The following CNN1 variants were observed in gnomAD, a reference collection of about 807,000 sequenced individuals.
The protein encoded by CNN1 is calponin-1.
In CNN1, 21 loss-of-function variants were observed where a neutral mutation model predicts 35.3. The ratio of observed to expected loss-of-function variants is 0.60; its 90% CI spans 0.42 to 0.86. The LOEUF (loss-of-function observed/expected upper bound fraction) is 0.86, where lower values mean the gene tolerates loss of function less well. Among genes scored for constraint, CNN1 ranks in the 40% least tolerant of loss-of-function variants. CNN1 has a pLI of 0.00. For missense variants in CNN1, 314 were observed against 400.8 expected (o/e 0.78, Z 1.85); for synonymous variants, 164 against 161.8 (o/e 1.01, Z -0.10).
chr19:11,538,906 C>T lies in CNN1; in HGVS notation c.-22C>T, dbSNP rs189119682. ...CTCAGCGTCAGTGCCGCCACTGCCC[C>T]CGCCAGAGCCCACCGGCCAGCATGT... On this transcript the variant is annotated 5_prime_UTR_variant, in exon 1 of 7. Transcript: ENST00000252456. 100 of 1,534,354 alleles carry T rather than the reference C, an allele frequency of 6.5e-5. 3 individuals carry two copies. The East Asian group carries it at 1.1e-3, about 16-fold the overall frequency.
At chr19:11,545,160 C>T (rs1972551917) in intron 2 of CNN1, among the ~76,000 whole-genome samples, 1 of 151,150 alleles carries the variant, frequency 6.6e-6, no homozygotes, top group Non-Finnish European at 1.5e-5. Context: ...GAGATCCCGC[C>T]ACTGCCTTCC....
At chr19:11,541,643 C>T (rs1328314660) in intron 2 of CNN1, among the ~76,000 whole-genome samples, 2 of 152,320 alleles carry the variant, frequency 1.3e-5, no homozygotes, top group East Asian at 1.9e-4. Flanking sequence ...GGCTGCAGTG[C>T]AGAGACACAA....
rs201339097 is a variant in CNN1 at position 11,541,101 on chromosome 19, G to C, written c.89G>C (p.Arg30Pro). The C allele has an allele frequency of 1.2e-6, 2 of 1,611,064 alleles. No homozygotes were observed. Among genetic ancestry groups the C allele is most frequent in the Admixed American group, 3.3e-5 (2 of 59,728 alleles). ...CTGGCCCAGAAGTATGACCACCAGC[G>C]GGAGCAGGAGCTGAGAGAGTGGATC... ...NKLAQKYDHQREQELREWIEG... is the reference protein window; with the variant it reads ...NKLAQKYDHQPEQELREWIEG... Residue 30 changes from arginine (R) to proline (P), a missense_variant, in exon 2 of 7, where the codon CGG becomes CCG. Arg to Pro is a moderately radical substitution (Grantham distance 103). Coordinates refer to ENST00000252456, the MANE Select transcript of CNN1 (RefSeq NM_001299.6).
chr19:11,546,750 A>G lies in CNN1; in HGVS notation c.252+9A>G, dbSNP rs1194808194. The G allele has an allele frequency of 6.2e-7, 1 of 1,614,220 alleles. No homozygotes were observed. The highest frequency in any genetic ancestry group is 2.2e-5 in the East Asian group (1 of 44,886). On this transcript the variant is annotated intron_variant, in intron 3 of 6. Transcript: ENST00000252456. ...CCCAAAATTGGCACCAGGTGAGCCC[A>G]GACACAATCTCTTCCATCCTTGCCC... is the stretch of plus-strand genomic sequence containing the variant.
chr19:11,548,186 T>C (rs1462433760), intron 5 of CNN1, among the ~76,000 whole-genome samples: 1 of 152,194 alleles, frequency 6.6e-6, no homozygotes, highest in Non-Finnish European at 1.5e-5. Context: ...AGGCTGGAAC[T>C]TCAATGCTAG....
In CNN1 at chr19:11,546,804, C is replaced by T. The variant is rs752773185; in HGVS notation, c.253-28C>T. ...AGCCCCTCAGACCTCCCCTCCCCAC[C>T]CAGTGACCACCACCTGCCCCCCTCT... On this transcript the variant is annotated intron_variant, in intron 3 of 6. Transcript: ENST00000252456. 3 of 1,614,204 alleles carry T rather than the reference C, an allele frequency of 1.9e-6. No individual in the cohort carries two copies. The South Asian group carries it at 3.3e-5, about 18-fold the overall frequency.
intron 4 of CNN1, 39 bp from the exon 5 acceptor site, chr19:11,547,758 G>T (rs1330969103): frequency 2.6e-6 from 4 of 1,540,210 alleles, no homozygotes; most frequent in Non-Finnish European, 3.6e-6. Flanking sequence ...GCAGCCTGGA[G>T]GCCCCCTTGT....
At chr19:11,539,317 C>A in intron 1 of CNN1, 2 of 1,111,178 alleles carry the variant, frequency 1.8e-6, no homozygotes, top group Non-Finnish European at 1.1e-6. Context: ...TTGATTTTTC[C>A]ATATCCCCCG....
Position 11,549,160 on chromosome 19 carries a change from C to A in CNN1, c.502-163C>A, listed in dbSNP as rs1161030017. On this transcript the variant is annotated intron_variant, in intron 5 of 6. Transcript: ENST00000252456. The surrounding 1 kb of genome is among the most constrained non-coding windows in gnomAD (Gnocchi z 5.2). ...CTGAGATCATGTCACTGCACTCCAG[C>A]CTGGGCAACAGAGCAAGACTCCGTC... Among the ~76,000 whole-genome samples the A allele has an allele frequency of 6.6e-5, 10 of 151,292 alleles. No homozygotes were observed. The highest frequency in any genetic ancestry group is 2.4e-4 in the African/African-American group (10 of 41,058).
intron 1 of CNN1, 178 bp downstream of exon 1, chr19:11,539,168 G>C (rs1221159508): frequency 1.4e-5 from 16 of 1,139,534 alleles, no homozygotes; most frequent in Non-Finnish European, 1.8e-5. Context: ...GGAGCCCCCA[G>C]CTATGGTTGG....
At chr19:11,544,086 A>G (rs1225729496) in intron 2 of CNN1, among the ~76,000 whole-genome samples, 3 of 152,106 alleles carry the variant, frequency 2.0e-5, no homozygotes, top group African/African-American at 7.2e-5. Flanking sequence ...AAGGACTTTT[A>G]GTCCAGTTGA....
At chr19:11,539,525 G>A (rs1256342636) in intron 1 of CNN1, 1 of 1,136,208 alleles carries the variant, frequency 8.8e-7, no homozygotes, top group Non-Finnish European at 1.1e-6. Context: ...GGTAAACTGA[G>A]GTTCGGAGAG....
chr19:11,542,922 G>C (rs992878588), intron 2 of CNN1, among the ~76,000 whole-genome samples: 2 of 152,138 alleles, frequency 1.3e-5, no homozygotes, highest in Non-Finnish European at 2.9e-5. Context: ...GCCTGCGCCC[G>C]ATCTGCATTT....
chr19:11,539,321 TC>T (rs1803533778), intron 1 of CNN1: 4 of 1,097,472 alleles, frequency 3.6e-6, no homozygotes, highest in African/African-American at 3.3e-5. Context: ...TTTTTCCATA[TC>T]CCCCGGCCTG....
intron 2 of CNN1, 90 bp downstream of exon 2, chr19:11,541,287 G>A: frequency 6.9e-7 from 1 of 1,442,584 alleles, no homozygotes; most frequent in Non-Finnish European, 9.2e-7. Flanking sequence ...TCCTGGAACT[G>A]AGTTGAACAC....
intron 4 of CNN1, 121 bp downstream of exon 4, chr19:11,547,090 A>AGGGATC: frequency 1.6e-5 from 23 of 1,453,872 alleles, no homozygotes; most frequent in Non-Finnish European, 2.0e-5. Flanking sequence ...ATCGGGGAGC[A>AGGGATC]GGTGCTGTCA....
At chr19:11,540,234 G>A (rs1380828634) in intron 1 of CNN1, 1 of 219,550 alleles carries the variant, frequency 4.6e-6, no homozygotes, top group Admixed American at 6.2e-5. Flanking sequence ...GACACCCTAG[G>A]GACAGACGGG....
rs572231844 is a variant in CNN1 at position 11,540,151 on chromosome 19, AG to A, written c.64-917del. The A allele has an allele frequency of 8.5e-4, 500 of 587,780 alleles. 1 individual carries two copies. The highest frequency in any genetic ancestry group is 2.3e-3 in the Admixed American group (31 of 13,610). 36.4% of individuals were successfully genotyped at this position (587,780 alleles called of 1,614,324 possible). ...TGGAGAAATGGGAGTGGAGTGGGGG[AG>A]GGGGGGGACAGTGGAGAGAGGGAAA... On this transcript the variant is annotated intron_variant, in intron 1 of 6. Transcript: ENST00000252456.
intron 2 of CNN1, 50 bp from the exon 3 acceptor site, chr19:11,546,625 T>C (rs777362712): frequency 2.7e-5 from 43 of 1,606,332 alleles, no homozygotes; most frequent in South Asian, 9.9e-5. Context: ...TGAGCCACCG[T>C]GCCCAACCCT....
Sources: allele counts gnomAD v4.1 joint callset (sites outside exome capture counted in the v4.1 genomes callset), GRCh38; gene constraint gnomAD v4.1.1; non-coding constraint Gnocchi (gnomAD v3.1); transcripts MANE v1.5; gene names NCBI Gene and HGNC (gene_info 2026-07-23, HGNC 2026-07-21).